PDGFD: variants seen among roughly 807,000 people sequenced by gnomAD.
PDGFD encodes the protein platelet-derived growth factor D.
Under a neutral mutation model 44.7 loss-of-function variants are expected in PDGFD, and 30 were observed. The ratio of observed to expected loss-of-function variants is 0.67; its 90% confidence interval spans 0.50 to 0.91. The LOEUF (loss-of-function observed/expected upper bound fraction) is 0.91. PDGFD is among the 40% of genes least tolerant of loss of function. The pLI, the probability that PDGFD is intolerant of heterozygous loss-of-function variation, is 0.00. For missense variants in PDGFD, 445 were observed against 457.8 expected (o/e 0.97, Z 0.25); for synonymous variants, 173 against 168.4 (o/e 1.03, Z -0.21).
At position 104,114,344 on chromosome 11, in the gene PDGFD, A is replaced by T. The variant is rs190919530; in HGVS notation, c.124+49460T>A. On this transcript the variant is annotated intron_variant, in intron 1 of 6. Transcript: ENST00000393158. ...GCCTACTTGTTCTAGCACCATGTATAGAAAAGACTCTCTTCTCTCCATTAG... is the reference window on the plus strand; with the variant it reads ...GCCTACTTGTTCTAGCACCATGTATTGAAAAGACTCTCTTCTCTCCATTAG... Among the ~76,000 whole-genome samples the T allele has an allele frequency of 3.9e-5, 6 of 152,048 alleles. No individual in the cohort carries two copies. In the East Asian group the frequency reaches 1.2e-3, roughly 30 times the overall value.
intron 1 of PDGFD, among the ~76,000 whole-genome samples, chr11:104,089,259 T>C (rs361281): frequency 0.38 from 57,163 of 152,024 alleles, 13,231 homozygotes; most frequent in Admixed American, 0.54. Flanking sequence ...TTATACTGAA[T>C]TTAGAACCAC....
At chr11:104,002,279 C>A (rs1859631648) in intron 1 of PDGFD, among the ~76,000 whole-genome samples, 1 of 152,164 alleles carries the variant, frequency 6.6e-6, no homozygotes. Flanking sequence ...CCACCCAAAT[C>A]TCATCTCTAA....
intron 1 of PDGFD, among the ~76,000 whole-genome samples, chr11:104,010,542 TGTATTTTATAG>T (rs1433937983): frequency 6.6e-6 from 1 of 152,100 alleles, no homozygotes; most frequent in Admixed American, 6.6e-5. Context: ...CAAAATAGCT[TGTATTTTATAG>T]GTAATTACAG....
chr11:103,940,636 C>T (rs764025594), intron 5 of PDGFD, among the ~76,000 whole-genome samples: 1 of 152,072 alleles, frequency 6.6e-6, no homozygotes, highest in Admixed American at 6.6e-5. Context: ...GCAGAAAATA[C>T]CAGCTGAAAT....
At chr11:104,071,655 C>T (rs1367112883) in intron 1 of PDGFD, among the ~76,000 whole-genome samples, 2 of 151,706 alleles carry the variant, frequency 1.3e-5, no homozygotes, top group Admixed American at 6.6e-5. Flanking sequence ...GGCATTAAAA[C>T]ATTTTTACAT....
At chr11:104,114,969 G>A (rs1013277882) in intron 1 of PDGFD, among the ~76,000 whole-genome samples, 1 of 150,984 alleles carries the variant, frequency 6.6e-6, no homozygotes, top group African/African-American at 2.4e-5. Context: ...CTTTAGTGGT[G>A]ATTTGTGAGA....
At chr11:104,099,953 A>G (rs1346092095) in intron 1 of PDGFD, among the ~76,000 whole-genome samples, 1 of 152,152 alleles carries the variant, frequency 6.6e-6, no homozygotes, top group Non-Finnish European at 1.5e-5. Flanking sequence ...TGAATACCAC[A>G]CTAGTTCATT....
intron 6 of PDGFD, among the ~76,000 whole-genome samples, chr11:103,917,113 G>A (rs905837241): frequency 2.0e-5 from 3 of 151,002 alleles, no homozygotes; most frequent in African/African-American, 7.3e-5. Context: ...ATGTTGCCCT[G>A]ATGAAGGTCA....
chr11:104,087,891 T>G (rs928922229), intron 1 of PDGFD, among the ~76,000 whole-genome samples: 1 of 152,222 alleles, frequency 6.6e-6, no homozygotes, highest in African/African-American at 2.4e-5. Context: ...TGTCCCATGA[T>G]GTGACTTTTA....
At chr11:104,151,631 C>T in intron 1 of PDGFD, among the ~76,000 whole-genome samples, 1 of 152,104 alleles carries the variant, frequency 6.6e-6, no homozygotes, top group East Asian at 1.9e-4. Flanking sequence ...AAAATTAAGG[C>T]ATACTGGGTA....
chr11:104,142,387 A>G (rs1191907935), intron 1 of PDGFD, among the ~76,000 whole-genome samples: 1 of 152,106 alleles, frequency 6.6e-6, no homozygotes, highest in Non-Finnish European at 1.5e-5. Flanking sequence ...ACTCACACAC[A>G]AATACAAATG....
chr11:104,089,101 T>C (rs1861175180), intron 1 of PDGFD, among the ~76,000 whole-genome samples: 1 of 152,210 alleles, frequency 6.6e-6, no homozygotes, highest in South Asian at 2.1e-4. Context: ...AATCAGACAC[T>C]GTCTTTAAAC....
intron 1 of PDGFD, among the ~76,000 whole-genome samples, chr11:104,064,787 TCTAA>T (rs34065028): frequency 0.4 from 60,236 of 151,596 alleles, 12,232 homozygotes; most frequent in East Asian, 0.56. Flanking sequence ...GATTTTGCCT[TCTAA>T]CTGAGGCAAT....
intron 3 of PDGFD, among the ~76,000 whole-genome samples, chr11:103,988,388 C>G (rs1008945443): frequency 2.0e-5 from 3 of 151,706 alleles, no homozygotes; most frequent in African/African-American, 4.8e-5. Context: ...CCCTCTCAAG[C>G]TGGAAATGTG....
At chr11:104,142,835 C>T (rs959608253) in intron 1 of PDGFD, among the ~76,000 whole-genome samples, 4 of 152,150 alleles carry the variant, frequency 2.6e-5, no homozygotes, top group African/African-American at 9.7e-5. Context: ...CCTCCAGGGG[C>T]AATGATGTAG....
At chr11:103,912,570 A>T (rs1384257934) in intron 6 of PDGFD, among the ~76,000 whole-genome samples, 1 of 152,210 alleles carries the variant, frequency 6.6e-6, no homozygotes, top group East Asian at 1.9e-4. Context: ...AAGTGCATCA[A>T]CTAACGGGCA....
intron 1 of PDGFD, among the ~76,000 whole-genome samples, chr11:104,013,544 T>C (rs1024093339): frequency 2.6e-5 from 4 of 152,110 alleles, no homozygotes; most frequent in African/African-American, 4.8e-5. Flanking sequence ...CAGTGAGCCA[T>C]ACAGGACTGT....
intron 1 of PDGFD, chr11:104,037,805 T>C: frequency 1.2e-6 from 2 of 1,614,216 alleles, no homozygotes; most frequent in African/African-American, 1.3e-5. Flanking sequence ...CCCATGGATA[T>C]GCTTCTAGGC....
intron 1 of PDGFD, among the ~76,000 whole-genome samples, chr11:104,080,624 A>C (rs1565329044): frequency 6.7e-6 from 1 of 150,304 alleles, no homozygotes; most frequent in Non-Finnish European, 1.5e-5. Flanking sequence ...GCCACCATCC[A>C]TTGTGTGCCG....
Sources: gnomAD v4.1 joint callset for allele counts (sites outside exome capture counted in the v4.1 genomes callset) on GRCh38, gnomAD v4.1.1 for gene constraint, MANE v1.5 for transcripts, NCBI Gene and HGNC (gene_info 2026-07-23, HGNC 2026-07-21) for gene names.